The following SPIN2A variants were observed in gnomAD, a reference collection of about 807,000 sequenced individuals.
SPIN2A encodes spindlin family member 2A.
A neutral mutation model predicts 9.2 loss-of-function variants in SPIN2A; 4 were observed. That is an observed-to-expected ratio of 0.44 (90% confidence interval 0.21 to 1.00). The LOEUF (loss-of-function observed/expected upper bound fraction) is 1.00, where lower values mean the gene tolerates loss of function less well. Ranked by LOEUF, SPIN2A falls within the 50% of genes least tolerant of loss-of-function variation. The probability of loss-of-function intolerance (pLI) is 0.26; values close to 1 mark genes in which losing one functional copy is unlikely to be tolerated. For missense variants in SPIN2A, 77 were observed against 172.8 expected (o/e 0.45, Z 3.11); for synonymous variants, 25 against 61.2 (o/e 0.41, Z 2.76).
At chrX:57,145,757 G>A in the SPIN2A span, among the ~76,000 whole-genome samples, 1 of 111,827 alleles carries the variant, frequency 8.9e-6, no homozygotes, top group East Asian at 2.8e-4. Flanking sequence ...TGAGGATCTA[G>A]TTTCATTCTC....
upstream of SPIN2A, among the ~76,000 whole-genome samples, chrX:57,141,374 G>C (rs1323316753): frequency 8.9e-6 from 1 of 111,743 alleles, no homozygotes; most frequent in East Asian, 2.8e-4. Context: ...TATATTTATT[G>C]GTAATATTGG....
At chrX:57,145,465 T>C in the SPIN2A span, among the ~76,000 whole-genome samples, 1 of 112,053 alleles carries the variant, frequency 8.9e-6, no homozygotes. Flanking sequence ...TAGTCCTCTG[T>C]TGGATGGATA....
At chrX:57,146,730 GTA>G in the SPIN2A span, among the ~76,000 whole-genome samples, 1 of 111,836 alleles carries the variant, frequency 8.9e-6, no homozygotes, top group East Asian at 2.8e-4. Flanking sequence ...TTACATTCAG[GTA>G]TGTCTCTTCT....
chrX:57,137,347 G>A lies in SPIN2A; in HGVS notation c.-93C>T, dbSNP rs1602027213. The A allele has an allele frequency of 1.3e-6, 1 of 758,176 alleles. No homozygotes were observed. Among genetic ancestry groups the A allele is most frequent in the East Asian group, 1.5e-4 (1 of 6,662 alleles). 62.5% of individuals were successfully genotyped at this position (758,176 alleles called of 1,213,427 possible). On this transcript the variant is annotated 5_prime_UTR_variant, in exon 1 of 2. Coordinates refer to ENST00000374906, the MANE Select transcript of SPIN2A (RefSeq NM_019003.5). ...ACTGCTTGCAAGAGCGGGGAGGGTA[G>A]GATCCATAGATGAGGAGCGTGTGTA...
chrX:57,136,981 C>G (rs766622127), intron 1 of SPIN2A: 1 of 895,996 alleles, frequency 1.1e-6, no homozygotes, highest in African/African-American at 2.1e-5. Flanking sequence ...CTGGTGCTGT[C>G]TGTAACCCCC....
the SPIN2A span, among the ~76,000 whole-genome samples, chrX:57,143,631 C>T: frequency 9.1e-6 from 1 of 110,409 alleles, no homozygotes; most frequent in African/African-American, 3.3e-5. Context: ...AATGCACCAC[C>T]ATGCTAAGCT....
the SPIN2A span, among the ~76,000 whole-genome samples, chrX:57,146,108 T>C: frequency 8.0e-4 from 88 of 110,080 alleles, no homozygotes; most frequent in African/African-American, 2.4e-3. Flanking sequence ...TGAAGAATGA[T>C]GGTGTCATTT....
upstream of SPIN2A, among the ~76,000 whole-genome samples, chrX:57,140,972 T>A (rs1425058517): frequency 8.9e-6 from 1 of 111,859 alleles, no homozygotes; most frequent in East Asian, 2.8e-4. Context: ...CCCATGAAAC[T>A]AATTTTTTTG....
chrX:57,141,151 T>A (rs1927993352), upstream of SPIN2A, among the ~76,000 whole-genome samples: 1 of 112,088 alleles, frequency 8.9e-6, no homozygotes, highest in African/African-American at 3.2e-5. Flanking sequence ...CATGAAACGA[T>A]GTTAAATTTC....
chrX:57,136,789 A>C, intron 1 of SPIN2A, 187 bp from the exon 2 acceptor site: 1 of 365,794 alleles, frequency 2.7e-6, no homozygotes. Flanking sequence ...GCTGTGGGGA[A>C]GGGCTGGGGT....
At chrX:57,143,401 T>TA in the SPIN2A span, among the ~76,000 whole-genome samples, 1 of 111,007 alleles carries the variant, frequency 9.0e-6, no homozygotes, top group Non-Finnish European at 1.9e-5. Context: ...TGCTACACTT[T>TA]AACTCCATCC....
At chrX:57,139,277 T>A (rs776335001), upstream of SPIN2A, among the ~76,000 whole-genome samples, 4 of 112,556 alleles carry the variant, frequency 3.6e-5, no homozygotes, top group East Asian at 1.1e-3. Flanking sequence ...TGTGTATGGA[T>A]ACCCAGTTTT....
At chrX:57,147,136 G>A in the SPIN2A span, among the ~76,000 whole-genome samples, 1 of 111,646 alleles carries the variant, frequency 9.0e-6, no homozygotes, top group Non-Finnish European at 1.9e-5. Context: ...AATAGGATTT[G>A]TACCTATGTT....
At chrX:57,147,006 G>A in the SPIN2A span, among the ~76,000 whole-genome samples, 2 of 111,137 alleles carry the variant, frequency 1.8e-5, no homozygotes, top group African/African-American at 6.5e-5. Context: ...TATTAGTCAG[G>A]GATATTGGTC....
the SPIN2A span, among the ~76,000 whole-genome samples, chrX:57,143,475 G>GTATTAT: frequency 6.4e-5 from 7 of 109,193 alleles, no homozygotes; most frequent in East Asian, 1.7e-3. Context: ...AAAATTGCTC[G>GTATTAT]TATTATTATT....
downstream of SPIN2A, chrX:57,134,685 G>C (rs929342540): frequency 2.7e-5 from 3 of 111,362 alleles, no homozygotes; most frequent in African/African-American, 9.8e-5. Context: ...ATGCAAGATG[G>C]CACATCTCTT....
chrX:57,137,828 A>C (rs961695373), upstream of SPIN2A, among the ~76,000 whole-genome samples: 1 of 111,828 alleles, frequency 8.9e-6, no homozygotes, highest in Non-Finnish European at 1.9e-5. Flanking sequence ...ACATTTATGG[A>C]GACATGAATC....
rs778734827 is a variant in SPIN2A at position 57,137,164 on chromosome X, C to T, written c.-6+96G>A. ...CCCCATGTCTCCTGCTGGATTCCTT[C>T]CCATCCCCCTCTCCATTCTGGCGCC... On this transcript the variant is annotated intron_variant, in intron 1 of 1. Transcript: ENST00000374906. 6.8e-3 allele frequency: 5,172 copies of T among 759,581 alleles called. 18 individuals are homozygous for T. The highest frequency in any genetic ancestry group is 0.02 in the Middle Eastern group (26 of 1,326). The allele number at this position is 759,581 out of a possible 1,213,427, so 62.6% of individuals were successfully genotyped here.
chrX:57,137,297 G>T lies in SPIN2A; in HGVS notation c.-43C>A. 1.3e-6 allele frequency: 1 copy of T among 759,922 alleles called. No individual in the cohort carries two copies. The highest frequency in any genetic ancestry group is 1.6e-6 in the Non-Finnish European group (1 of 642,116). 62.6% of individuals were successfully genotyped at this position (759,922 alleles called of 1,213,427 possible). A position where few individuals can be genotyped will look rare whatever the true frequency, so the allele number is the denominator to read the frequency against. On this transcript the variant is annotated 5_prime_UTR_variant, in exon 1 of 2. Transcript: ENST00000374906. ...TCTGCTGTGAGCCTGTGGCGAAGGA[G>T]GGTCAACAGGCGACTCGCTGAGTGA... is the stretch of plus-strand genomic sequence containing the variant.
Sources: allele counts gnomAD v4.1 joint callset (sites outside exome capture counted in the v4.1 genomes callset), GRCh38; gene constraint gnomAD v4.1.1; transcripts MANE v1.5; gene names NCBI Gene and HGNC (gene_info 2026-07-23, HGNC 2026-07-21).